Variants in DNAH3 observed in about 807,000 individuals in gnomAD.
DNAH3 encodes the protein dynein axonemal heavy chain 3.
DNAH3 carries 332 observed loss-of-function variants against 432.5 expected under a neutral mutation model. The observed-to-expected ratio is 0.77, with a 90% CI of 0.70 to 0.84. The LOEUF is 0.84. Ranked by LOEUF, DNAH3 falls within the 40% of genes least tolerant of loss-of-function variation. The pLI is 0.00. For synonymous variants in DNAH3, 1,956 were observed against 1,900.2 expected (o/e 1.03, Z -0.76); for missense variants, 4,861 against 5,114.0 (o/e 0.95, Z 1.51).
intron 54 of DNAH3, among the ~76,000 whole-genome samples, chr16:20,958,922 T>A (rs546215617): frequency 6.6e-6 from 1 of 152,090 alleles, no homozygotes; most frequent in Non-Finnish European, 1.5e-5. Flanking sequence ...TGTGCGCCAC[T>A]ATGCCTGGCT....
exon 25 of DNAH3, chr16:21,062,511 T>G: frequency 6.2e-7 from 1 of 1,614,204 alleles, no homozygotes; most frequent in South Asian, 1.1e-5. Flanking sequence ...ATTTTCTGTA[T>G]GAATGGAACA....
At chr16:21,153,613 G>C (rs376749586) in intron 1 of DNAH3, among the ~76,000 whole-genome samples, 1 of 152,046 alleles carries the variant, frequency 6.6e-6, no homozygotes, top group East Asian at 1.9e-4. Flanking sequence ...GGTTCATGCC[G>C]CCTTAATAGC....
At chr16:21,015,222 TAAAG>T (rs2087799530) in intron 41 of DNAH3, among the ~76,000 whole-genome samples, 1 of 152,122 alleles carries the variant, frequency 6.6e-6, no homozygotes, top group Non-Finnish European at 1.5e-5. Flanking sequence ...TATTAAGTGA[TAAAG>T]AAGCAATCTA....
intron 16 of DNAH3, 86 bp from the exon 17 acceptor site, chr16:21,098,855 C>T (rs1269406524): frequency 1.4e-6 from 2 of 1,403,588 alleles, no homozygotes; most frequent in South Asian, 1.4e-5. Flanking sequence ...ATATTTAAGC[C>T]TGCAGACAAT....
chr16:21,159,015 TACAC>T (rs563689878), intron 1 of DNAH3, among the ~76,000 whole-genome samples: 3 of 144,174 alleles, frequency 2.1e-5, no homozygotes, highest in East Asian at 2.1e-4. Context: ...CACACACACA[TACAC>T]ACACACACTA....
intron 41 of DNAH3, among the ~76,000 whole-genome samples, chr16:21,013,044 T>C (rs1272531533): frequency 6.6e-6 from 1 of 152,152 alleles, no homozygotes; most frequent in East Asian, 1.9e-4. Context: ...GGATTACAGG[T>C]GTGAGCCACC....
intron 38 of DNAH3, 42 bp from the exon 39 acceptor site, chr16:21,024,743 T>C: frequency 6.9e-7 from 1 of 1,456,474 alleles, no homozygotes; most frequent in Non-Finnish European, 9.6e-7. Flanking sequence ...CGCTTCTTTG[T>C]TACTAATACG....
intron 27 of DNAH3, 126 bp downstream of exon 27, chr16:21,057,960 T>C (rs1196127910): frequency 4.9e-5 from 33 of 679,802 alleles, no homozygotes; most frequent in Non-Finnish European, 2.7e-5. Context: ...GGAACCCTGA[T>C]GTCTGTGATG....
At chr16:20,966,527 G>A (rs1378073316) in intron 52 of DNAH3, among the ~76,000 whole-genome samples, 1 of 152,106 alleles carries the variant, frequency 6.6e-6, no homozygotes, top group African/African-American at 2.4e-5. Context: ...TCCCTTTATA[G>A]CACTTATTGC....
intron 32 of DNAH3, among the ~76,000 whole-genome samples, chr16:21,040,358 A>ATCTTTTT (rs771791969): frequency 0.03 from 2,382 of 79,742 alleles, 469 homozygotes; most frequent in African/African-American, 0.11. Context: ...AGCCAGACAG[A>ATCTTTTT]TTTTTTTTTT....
rs558288389 is a variant in DNAH3, at chr16:21,065,078, T to C, written c.3518+2205A>G. On this transcript the variant is annotated intron_variant, in intron 24 of 61. Coordinates refer to ENST00000261383, the Ensembl canonical transcript of DNAH3. ...TAATGTTCCCAAACCCATAAGAGTA[T>C]TACAAAGATTAAATTAGTTAGTTAG... 1.8e-4 allele frequency among the ~76,000 whole-genome samples: 28 copies of C among 152,250 alleles called. 1 individual carries two copies. Among genetic ancestry groups the C allele is most frequent in the African/African-American group, 5.5e-4 (23 of 41,550 alleles).
chr16:21,123,076 G>T (rs1052364656), intron 9 of DNAH3, among the ~76,000 whole-genome samples: 2 of 152,252 alleles, frequency 1.3e-5, no homozygotes, highest in East Asian at 3.9e-4. Flanking sequence ...ACAGCATATA[G>T]TACCTAACAG....
chr16:20,969,234 CTCTG>C (rs1434976371), intron 52 of DNAH3, among the ~76,000 whole-genome samples: 2 of 151,398 alleles, frequency 1.3e-5, no homozygotes, highest in Admixed American at 6.6e-5. Flanking sequence ...TCGTGCATGG[CTCTG>C]TGTGTGCATG....
intron 57 of DNAH3, among the ~76,000 whole-genome samples, chr16:20,944,902 T>C (rs1036007140): frequency 4.6e-5 from 7 of 152,152 alleles, no homozygotes; most frequent in African/African-American, 1.4e-4. Flanking sequence ...CCTGGCTTCC[T>C]CTCTGCTCCC....
At chr16:20,987,078 G>A (rs932264961) in intron 47 of DNAH3, among the ~76,000 whole-genome samples, 1 of 152,114 alleles carries the variant, frequency 6.6e-6, no homozygotes, top group Non-Finnish European at 1.5e-5. Flanking sequence ...TGCATGTTAA[G>A]CCATTTTGAG....
At chr16:21,142,063 AAAT>A in intron 3 of DNAH3, among the ~76,000 whole-genome samples, 1 of 150,736 alleles carries the variant, frequency 6.6e-6, no homozygotes, top group Admixed American at 6.6e-5. Context: ...AAAAATAAAT[AAAT>A]AAAATAAAAA....
At chr16:21,036,366 A>AGT (rs1376544409) in intron 35 of DNAH3, among the ~76,000 whole-genome samples, 1 of 152,118 alleles carries the variant, frequency 6.6e-6, no homozygotes, top group Non-Finnish European at 1.5e-5. Flanking sequence ...AAACTGATGG[A>AGT]GTAAGTAAGT....
At chr16:21,002,504 C>T (rs1008849261) in intron 42 of DNAH3, among the ~76,000 whole-genome samples, 50 of 151,710 alleles carry the variant, frequency 3.3e-4, no homozygotes, top group African/African-American at 1.2e-3. Flanking sequence ...TCTTGTCACC[C>T]AGGCTGAAGT....
intron 11 of DNAH3, among the ~76,000 whole-genome samples, chr16:21,120,145 C>T (rs1384158477): frequency 6.9e-6 from 1 of 145,038 alleles, no homozygotes; most frequent in Non-Finnish European, 1.5e-5. Context: ...ACTCTGTTGC[C>T]CAGGCTGGAG....
Sources: gnomAD v4.1 joint callset for allele counts (sites outside exome capture counted in the v4.1 genomes callset) on GRCh38, gnomAD v4.1.1 for gene constraint, MANE v1.5 for transcripts, NCBI Gene and HGNC (gene_info 2026-07-23, HGNC 2026-07-21) for gene names.